OSBPL9: variants seen among roughly 807,000 people sequenced by gnomAD.
OSBPL9 encodes the protein oxysterol-binding protein-related protein 9.
A neutral mutation model predicts 106.6 loss-of-function variants in OSBPL9; 40 were observed. The observed-to-expected ratio is 0.38, with a 90% CI of 0.29 to 0.49. OSBPL9 has a LOEUF of 0.49. Among genes scored for constraint, OSBPL9 ranks in the 20% least tolerant of loss-of-function variants. The pLI is 0.97. For missense variants in OSBPL9, 609 were observed against 887.2 expected (o/e 0.69, Z 3.98); for synonymous variants, 269 against 295.4 (o/e 0.91, Z 0.92).
intron 15 of OSBPL9, among the ~76,000 whole-genome samples, chr1:51,778,075 G>T (rs1675480946): frequency 6.6e-6 from 1 of 152,086 alleles, no homozygotes. Flanking sequence ...GGAGGGTCAT[G>T]CAGTCCCAGC....
chr1:51,535,240 A>C, the OSBPL9 span, among the ~76,000 whole-genome samples: 1 of 152,226 alleles, frequency 6.6e-6, no homozygotes, highest in Non-Finnish European at 1.5e-5. Context: ...TTTAAGGAAT[A>C]AAACATGTTT....
intron 4 of OSBPL9, among the ~76,000 whole-genome samples, chr1:51,736,021 G>T (rs1018210869): frequency 6.6e-6 from 1 of 152,124 alleles, no homozygotes; most frequent in Non-Finnish European, 1.5e-5. Flanking sequence ...TTTATAATCT[G>T]CAAGAACTAG....
chr1:51,573,348 A>C (rs1235237630), upstream of OSBPL9, among the ~76,000 whole-genome samples: 2 of 151,388 alleles, frequency 1.3e-5, no homozygotes, highest in Non-Finnish European at 2.9e-5. Flanking sequence ...GTCTCTACTA[A>C]AAATACAAAA....
intron 13 of OSBPL9, 132 bp from the exon 14 acceptor site, chr1:51,772,473 G>A: frequency 1.3e-6 from 1 of 781,194 alleles, no homozygotes; most frequent in Non-Finnish European, 2.2e-6. Context: ...CCAAGATCGT[G>A]CCATTGCACT....
chr1:51,673,778 A>T (rs1031839238), intron 3 of OSBPL9, among the ~76,000 whole-genome samples: 1 of 152,188 alleles, frequency 6.6e-6, no homozygotes, highest in Non-Finnish European at 1.5e-5. Flanking sequence ...CTGAGGCCAG[A>T]GGACCACTTG....
chr1:51,756,468 T>G, intron 9 of OSBPL9, 110 bp downstream of exon 9: 1 of 1,000,298 alleles, frequency 1.0e-6, no homozygotes, highest in Non-Finnish European at 1.5e-6. Context: ...AACTACTCAC[T>G]GCTTTTTGTT....
At chr1:51,656,884 C>T (rs750077307) in intron 2 of OSBPL9, among the ~76,000 whole-genome samples, 6 of 151,722 alleles carry the variant, frequency 4.0e-5, no homozygotes, top group Non-Finnish European at 8.8e-5. Context: ...GGCAGTCTTG[C>T]TAACTCAGTC....
rs76584402 is a variant in OSBPL9 at position 51,770,620 on chromosome 1, A to G, written c.939-1450A>G. Among the ~76,000 whole-genome samples, 352 of 152,216 alleles carry G rather than the reference A, an allele frequency of 2.3e-3. 4 individuals carry two copies. The highest frequency in any genetic ancestry group is 8.3e-3 in the African/African-American group (343 of 41,522). On this transcript the variant is annotated intron_variant, in intron 12 of 23. Transcript: ENST00000428468. ...TGATCATTTGATTTCTCTTACCTGT[A>G]TCTTTTAGACATATTTTCCATTGCC...
At chr1:51,550,920 CATA>C in the OSBPL9 span, among the ~76,000 whole-genome samples, 2 of 152,128 alleles carry the variant, frequency 1.3e-5, no homozygotes, top group African/African-American at 4.8e-5. Flanking sequence ...TCATAAACAC[CATA>C]ATAATGATAG....
At chr1:51,547,417 G>T in the OSBPL9 span, among the ~76,000 whole-genome samples, 1 of 152,226 alleles carries the variant, frequency 6.6e-6, no homozygotes, top group Admixed American at 6.5e-5. Flanking sequence ...GATGTTATTT[G>T]CAGAAATTAA....
At chr1:51,710,684 G>T (rs767489311) in intron 3 of OSBPL9, among the ~76,000 whole-genome samples, 8 of 152,138 alleles carry the variant, frequency 5.3e-5, no homozygotes, top group Admixed American at 6.5e-5. Flanking sequence ...ATTAAATGTC[G>T]TACTCTATTG....
rs1266229863 is a variant in OSBPL9, at chr1:51,666,099, C to T, written c.163-3335C>T. Among the ~76,000 whole-genome samples the T allele has an allele frequency of 6.6e-5, 10 of 152,262 alleles. No individual in the cohort carries two copies. The East Asian group carries it at 1.2e-3, about 18-fold the overall frequency. ...CTGACCTCAGGTGATCCGCCCGCCT[C>T]GGCCTCCCAAAGGGCTAGGATTACA... is the stretch of plus-strand genomic sequence containing the variant. On this transcript the variant is annotated intron_variant, in intron 2 of 23. Transcript: ENST00000428468.
intron 2 of OSBPL9, among the ~76,000 whole-genome samples, chr1:51,668,586 C>T (rs1050647179): frequency 6.6e-6 from 1 of 152,182 alleles, no homozygotes; most frequent in Non-Finnish European, 1.5e-5. Context: ...CGTGCCACTG[C>T]ACTCCAGCCT....
chr1:51,533,485 CAAA>C, the OSBPL9 span, among the ~76,000 whole-genome samples: 3 of 54,442 alleles, frequency 5.5e-5, no homozygotes, highest in African/African-American at 6.7e-5. Context: ...GACTCTGTCT[CAAA>C]AAAAAAAAAA....
rs546740068 is a variant in OSBPL9 at position 51,577,783 on chromosome 1, T to C, written c.-423+527T>C. Among the ~76,000 whole-genome samples, 13 of 152,310 alleles carry C rather than the reference T, an allele frequency of 8.5e-5. No homozygotes were observed. In the East Asian group the frequency reaches 1.7e-3, roughly 20 times the overall value. ...GCCCTGTGATGAATGTCCTGTTTTTTCCTCATTCAAAAGATAGAGAAACAG... is the reference window on the plus strand; with the variant it reads ...GCCCTGTGATGAATGTCCTGTTTTTCCCTCATTCAAAAGATAGAGAAACAG... On this transcript the variant is annotated intron_variant, in intron 1 of 25. Coordinates refer to the OSBPL9 transcript ENST00000371714.
the OSBPL9 span, chr1:51,519,178 C>A: frequency 1.4e-6 from 2 of 1,429,234 alleles, no homozygotes; most frequent in Admixed American, 2.6e-5. Context: ...CCAAGCCCGG[C>A]GGACGGGCGT....
chr1:51,755,151 A>G (rs924265976), intron 8 of OSBPL9, among the ~76,000 whole-genome samples: 12 of 152,090 alleles, frequency 7.9e-5, no homozygotes, highest in African/African-American at 2.9e-4. Flanking sequence ...CACCCAGTCT[A>G]TGGTATTTTG....
chr1:51,731,014 C>T (rs1664251274), intron 4 of OSBPL9, among the ~76,000 whole-genome samples: 1 of 151,584 alleles, frequency 6.6e-6, no homozygotes, highest in South Asian at 2.1e-4. Flanking sequence ...TAGCACCTGT[C>T]ATTTATTTAT....
chr1:51,732,841 G>A (rs960344439), intron 4 of OSBPL9, among the ~76,000 whole-genome samples: 2 of 152,170 alleles, frequency 1.3e-5, no homozygotes, highest in African/African-American at 4.8e-5. Context: ...ATGTCCTGGA[G>A]GCCCTTCTTC....
Sources: gnomAD v4.1 joint callset for allele counts (sites outside exome capture counted in the v4.1 genomes callset) on GRCh38, gnomAD v4.1.1 for gene constraint, MANE v1.5 for transcripts, NCBI Gene and HGNC (gene_info 2026-07-23, HGNC 2026-07-21) for gene names.